The following LPP variants were observed in gnomAD, a reference collection of about 807,000 sequenced individuals.
LPP encodes lipoma-preferred partner.
LPP carries 38 observed loss-of-function variants against 60.4 expected under a neutral mutation model. That is an observed-to-expected ratio of 0.63 (90% confidence interval 0.49 to 0.83). LPP has a LOEUF of 0.83. LPP is among the 40% of genes least tolerant of loss of function. LPP has a pLI of 0.00. For missense variants in LPP, 902 were observed against 783.6 expected (o/e 1.15, Z -1.80); for synonymous variants, 328 against 290.8 (o/e 1.13, Z -1.30).
At chr3:188,309,195 A>G (rs1037447921) in intron 2 of LPP, among the ~76,000 whole-genome samples, 1 of 151,144 alleles carries the variant, frequency 6.6e-6, no homozygotes, top group Non-Finnish European at 1.5e-5. Flanking sequence ...TAATTTTTGT[A>G]TTTTTAGCAG....
At chr3:188,688,754 C>T (rs1861431439) in intron 7 of LPP, 1 of 493,718 alleles carries the variant, frequency 2.0e-6, no homozygotes, top group African/African-American at 2.0e-5. Context: ...ATGCTTGATG[C>T]TGAAGATACA....
At chr3:188,637,056 A>G (rs1169526139) in intron 7 of LPP, among the ~76,000 whole-genome samples, 1 of 150,212 alleles carries the variant, frequency 6.7e-6, no homozygotes, top group Non-Finnish European at 1.5e-5. Flanking sequence ...TCAACAGAAT[A>G]TACATTTTTT....
In LPP at chr3:188,532,622, G is replaced by T. The variant is rs147278977; in HGVS notation, c.429+7835G>T. ...GAGCATTGGCTTCTTGATTCCCTGA[G>T]GTCCCCTCTCTGAAAGGAGCTCCAT... On this transcript the variant is annotated intron_variant, in intron 6 of 11. Transcript: ENST00000617246. 2.8e-3 allele frequency among the ~76,000 whole-genome samples: 430 copies of T among 152,300 alleles called. 1 individual carries two copies. Among genetic ancestry groups the T allele is most frequent in the Non-Finnish European group, 5.0e-3 (339 of 68,024 alleles).
chr3:188,844,164 A>G (rs921239901), intron 9 of LPP, among the ~76,000 whole-genome samples: 1 of 152,126 alleles, frequency 6.6e-6, no homozygotes, highest in Admixed American at 6.5e-5. Flanking sequence ...ATGCTTAATC[A>G]TTATTTTTGG....
chr3:188,503,066 T>A (rs1398086648), intron 5 of LPP, among the ~76,000 whole-genome samples: 1 of 151,790 alleles, frequency 6.6e-6, no homozygotes, highest in Non-Finnish European at 1.5e-5. Flanking sequence ...TCCTATATAA[T>A]TTTTTTTGTG....
In LPP at chr3:188,616,819, G is replaced by A. The variant is rs151098646; in HGVS notation, c.1113+6975G>A. ...GTTTTGCATATATTTTGGTAAACTT[G>A]TCCTTAAGCACTTCAAATATTGGAT... On this transcript the variant is annotated intron_variant, in intron 7 of 11. Transcript: ENST00000617246. Among the ~76,000 whole-genome samples the A allele has an allele frequency of 2.4e-4, 36 of 152,130 alleles. No individual in the cohort carries two copies. The East Asian group carries it at 5.0e-3, about 21-fold the overall frequency.
At chr3:188,642,362 T>C (rs1473632159) in intron 7 of LPP, among the ~76,000 whole-genome samples, 1 of 152,190 alleles carries the variant, frequency 6.6e-6, no homozygotes, top group East Asian at 1.9e-4. Flanking sequence ...ACTATAAAGA[T>C]GGAGCTAAAT....
rs572911489 is a variant in LPP at position 188,601,242 on chromosome 3, G to T, written c.430-7919G>T. On this transcript the variant is annotated intron_variant, in intron 6 of 11. Coordinates refer to ENST00000617246, the MANE Select transcript of LPP (RefSeq NM_001375462.1). ...TGTAATGTATATAAACAATCCTCAT[G>T]TATTGATTATTTAAATTTTCCATTA... Among the ~76,000 whole-genome samples, 4 of 152,094 alleles carry T rather than the reference G, an allele frequency of 2.6e-5. No homozygotes were observed. The South Asian group carries it at 8.3e-4, about 32-fold the overall frequency.
Position 188,352,046 on chromosome 3 carries a change from C to T in LPP, c.-10+10327C>T, listed in dbSNP as rs908158795. ...CCTCGACCTCAACGTGTATTATTTC[C>T]TCCCCCCTTGTCATTTTTCTTCTAT... is the stretch of plus-strand genomic sequence containing the variant. On this transcript the variant is annotated intron_variant, in intron 3 of 11. Transcript: ENST00000617246. This position sits in a 1 kb window ranked among gnomAD's most constrained non-coding sequence, Gnocchi z 4.4. Among the ~76,000 whole-genome samples, 2 of 152,144 alleles carry T rather than the reference C, an allele frequency of 1.3e-5. No individual in the cohort carries two copies. Among genetic ancestry groups the T allele is most frequent in the African/African-American group, 4.8e-5 (2 of 41,420 alleles).
chr3:188,652,527 C>T (rs1041476114), intron 7 of LPP, among the ~76,000 whole-genome samples: 1 of 151,904 alleles, frequency 6.6e-6, no homozygotes, highest in South Asian at 2.1e-4. Context: ...CAAAACAGAA[C>T]CGATTCTGTA....
rs548572364 is a variant in LPP at position 188,882,205 on chromosome 3, A to C, written c.*7726A>C. ...TTAGTAAGACTTTATGGAGTACATAAAATTTGATAAGAAATCTTGAGCTGA... is the reference window on the plus strand; with the variant it reads ...TTAGTAAGACTTTATGGAGTACATACAATTTGATAAGAAATCTTGAGCTGA... On this transcript the variant is annotated 3_prime_UTR_variant, in exon 12 of 12. Coordinates refer to ENST00000617246, the MANE Select transcript of LPP (RefSeq NM_001375462.1). 9.2e-6 allele frequency: 2 copies of C among 216,390 alleles called. No homozygotes were observed. The highest frequency in any genetic ancestry group is 4.5e-5 in the African/African-American group (2 of 44,546). The allele number at this position is 216,390 out of a possible 1,614,324, so 13.4% of individuals were successfully genotyped here. A position where few individuals can be genotyped will look rare whatever the true frequency, so the allele number is the denominator to read the frequency against.
intron 8 of LPP, among the ~76,000 whole-genome samples, chr3:188,735,586 G>A (rs1354696255): frequency 6.6e-6 from 1 of 151,936 alleles, no homozygotes; most frequent in African/African-American, 2.4e-5. Context: ...GTTTCACCAT[G>A]TTGGCTAGGC....
chr3:188,478,848 C>T (rs1321703735), intron 4 of LPP, among the ~76,000 whole-genome samples: 4 of 152,026 alleles, frequency 2.6e-5, no homozygotes, highest in East Asian at 1.9e-4. Flanking sequence ...CTCCGCCTCC[C>T]GGTTCAAGCA....
At chr3:188,552,565 G>C (rs1017046454) in intron 6 of LPP, among the ~76,000 whole-genome samples, 2 of 152,140 alleles carry the variant, frequency 1.3e-5, no homozygotes, top group Admixed American at 6.6e-5. Flanking sequence ...TTAAGATGAA[G>C]GTGTCAGCAG....
chr3:188,219,076 G>T (rs1714806966), intron 1 of LPP, among the ~76,000 whole-genome samples: 1 of 148,852 alleles, frequency 6.7e-6, no homozygotes, highest in Non-Finnish European at 1.5e-5. Context: ...TAGGGGCGGG[G>T]TGGGGGGGAT....
At chr3:188,417,303 T>C (rs1786567891) in intron 4 of LPP, among the ~76,000 whole-genome samples, 1 of 152,050 alleles carries the variant, frequency 6.6e-6, no homozygotes, top group Non-Finnish European at 1.5e-5. Flanking sequence ...CGTAATATAA[T>C]ATGAAGGATG....
At chr3:188,509,873 GT>G (rs35389820) in intron 5 of LPP, among the ~76,000 whole-genome samples, 21 of 111,038 alleles carry the variant, frequency 1.9e-4, no homozygotes, top group African/African-American at 3.2e-4. Context: ...TTTTTTTGTT[GT>G]TTTTTTTTTT....
intron 4 of LPP, among the ~76,000 whole-genome samples, chr3:188,432,394 G>A (rs781529215): frequency 9.9e-5 from 15 of 152,108 alleles, no homozygotes; most frequent in African/African-American, 2.9e-4. Flanking sequence ...TTTGATAAAA[G>A]TATGTCAAAA....
intron 1 of LPP, among the ~76,000 whole-genome samples, chr3:188,216,712 C>T (rs1193337743): frequency 6.6e-6 from 1 of 152,204 alleles, no homozygotes; most frequent in Admixed American, 6.5e-5. Flanking sequence ...AGCATCCTGT[C>T]TCTAACTCTC....
Sources: gnomAD v4.1 joint callset for allele counts (sites outside exome capture counted in the v4.1 genomes callset) on GRCh38, gnomAD v4.1.1 for gene constraint, Gnocchi (gnomAD v3.1) non-coding constraint, MANE v1.5 for transcripts, NCBI Gene and HGNC (gene_info 2026-07-23, HGNC 2026-07-21) for gene names.